The following ADGRL3 variants were observed in gnomAD, a reference collection of about 807,000 sequenced individuals.
The protein encoded by ADGRL3 is calcium-independent alpha-latrotoxin receptor 3.
Under a neutral mutation model 153.5 loss-of-function variants are expected in ADGRL3, and 62 were observed. That is an observed-to-expected ratio of 0.40 (90% CI 0.33 to 0.50). The LOEUF (loss-of-function observed/expected upper bound fraction) is 0.50. Among genes scored for constraint, ADGRL3 ranks in the 20% least tolerant of loss-of-function variants. The pLI is 0.47. For missense variants in ADGRL3, 1,641 were observed against 1,859.4 expected (o/e 0.88, Z 2.16); for synonymous variants, 710 against 672.5 (o/e 1.06, Z -0.86).
chr4:61,812,040 C>T (rs573874880), intron 8 of ADGRL3, among the ~76,000 whole-genome samples: 2 of 152,020 alleles, frequency 1.3e-5, no homozygotes, highest in South Asian at 2.1e-4. Context: ...AGTTTCAAAC[C>T]AATCTGTATG....
intron 5 of ADGRL3, among the ~76,000 whole-genome samples, chr4:61,610,823 C>T (rs2091241366): frequency 6.6e-6 from 1 of 151,510 alleles, no homozygotes; most frequent in Admixed American, 6.6e-5. Context: ...AACTAGAATC[C>T]ATTTTATAGA....
rs141131605 is a variant in ADGRL3 at position 61,545,775 on chromosome 4, A to G, written c.259+28257A>G. Among the ~76,000 whole-genome samples the G allele has an allele frequency of 2.5e-4, 38 of 152,240 alleles. No homozygotes were observed. In the East Asian group the frequency reaches 5.2e-3, roughly 21 times the overall value. ...GGTGATCTTCCTGCCTCGGCCTCCC[A>G]AAGTGCTGGGATTACAGGCGTAAGC... On this transcript the variant is annotated intron_variant, in intron 4 of 26. Coordinates refer to ENST00000683033, the MANE Select transcript of ADGRL3 (RefSeq NM_001387552.1).
chr4:61,774,379 A>G (rs1043583252), intron 8 of ADGRL3, among the ~76,000 whole-genome samples: 15 of 151,562 alleles, frequency 9.9e-5, no homozygotes, highest in African/African-American at 3.6e-4. Context: ...AAAGAAAGAA[A>G]AAGAAAAAAT....
intron 6 of ADGRL3, among the ~76,000 whole-genome samples, chr4:61,680,555 A>G (rs2150968200): frequency 6.6e-6 from 1 of 152,028 alleles, no homozygotes; most frequent in Non-Finnish European, 1.5e-5. Context: ...AAGGTAATAT[A>G]GACAGAGTCA....
chr4:61,756,886 T>C (rs1369592143), intron 8 of ADGRL3, among the ~76,000 whole-genome samples: 1 of 152,212 alleles, frequency 6.6e-6, no homozygotes, highest in Non-Finnish European at 1.5e-5. Flanking sequence ...ATCATATGGT[T>C]TTTGTCATTG....
intron 2 of ADGRL3, among the ~76,000 whole-genome samples, chr4:61,440,955 TA>T (rs1278163648): frequency 6.6e-6 from 1 of 152,184 alleles, no homozygotes; most frequent in Non-Finnish European, 1.5e-5. Flanking sequence ...CAACATTTTG[TA>T]ACTATGAAGT....
At chr4:61,965,618 G>A (rs1393569326) in intron 17 of ADGRL3, among the ~76,000 whole-genome samples, 1 of 151,956 alleles carries the variant, frequency 6.6e-6, no homozygotes, top group African/African-American at 2.4e-5. Flanking sequence ...AGGCTTGGTG[G>A]CAGGCACCTG....
chr4:61,341,617 T>G (rs1385728509), intron 1 of ADGRL3, among the ~76,000 whole-genome samples: 3 of 151,922 alleles, frequency 2.0e-5, no homozygotes, highest in Admixed American at 2.0e-4. Context: ...TTATGCAAAA[T>G]GTTCTCTTAG....
At chr4:61,810,515 C>A (rs1302975042) in intron 8 of ADGRL3, among the ~76,000 whole-genome samples, 5 of 152,162 alleles carry the variant, frequency 3.3e-5, no homozygotes, top group African/African-American at 1.2e-4. Flanking sequence ...AGAGAAGAGC[C>A]TTTTCCTGTA....
intron 1 of ADGRL3, among the ~76,000 whole-genome samples, chr4:61,261,728 G>C (rs2092536737): frequency 6.6e-6 from 1 of 152,192 alleles, no homozygotes. Flanking sequence ...ACATAATATA[G>C]TGTTACAATG....
intron 2 of ADGRL3, among the ~76,000 whole-genome samples, chr4:61,471,799 T>C (rs116287229): frequency 0.029 from 4,469 of 152,134 alleles, 82 homozygotes; most frequent in East Asian, 0.05. Flanking sequence ...TAAGGTATTA[T>C]TGAACAGAGT....
intron 4 of ADGRL3, among the ~76,000 whole-genome samples, chr4:61,532,546 G>GCT (rs1235386635): frequency 4.6e-5 from 4 of 87,482 alleles, no homozygotes; most frequent in Non-Finnish European, 7.3e-5. Context: ...GCGCGCGCGC[G>GCT]CGCGCGCGCG....
chr4:61,635,802 C>T (rs2093397430), intron 5 of ADGRL3, among the ~76,000 whole-genome samples: 1 of 152,002 alleles, frequency 6.6e-6, no homozygotes, highest in South Asian at 2.1e-4. Flanking sequence ...CTTTCCTTGG[C>T]TTGAAGATTG....
chr4:61,345,841 G>A (rs1157851236), intron 1 of ADGRL3, among the ~76,000 whole-genome samples: 1 of 152,052 alleles, frequency 6.6e-6, no homozygotes, highest in African/African-American at 2.4e-5. Flanking sequence ...TCCAAAACTG[G>A]TCTAGACAGT....
intron 8 of ADGRL3, among the ~76,000 whole-genome samples, chr4:61,756,684 C>T (rs138955457): frequency 0.087 from 13,189 of 152,180 alleles, 1,217 homozygotes; most frequent in African/African-American, 0.23. Context: ...AAAAGGGCAT[C>T]CCTGTCTTGT....
intron 24 of ADGRL3, among the ~76,000 whole-genome samples, chr4:62,043,272 G>A (rs576169292): frequency 6.6e-6 from 1 of 152,078 alleles, no homozygotes; most frequent in Admixed American, 6.6e-5. Flanking sequence ...TTTCACATTT[G>A]TATCTTATAA....
intron 17 of ADGRL3, among the ~76,000 whole-genome samples, chr4:61,955,769 G>A (rs922447069): frequency 4.6e-5 from 7 of 152,046 alleles, no homozygotes; most frequent in Non-Finnish European, 1.0e-4. Context: ...TCCTACTTAT[G>A]AGTGAGAACA....
chr4:61,205,541 T>C (rs1016882221), intron 1 of ADGRL3, among the ~76,000 whole-genome samples: 4 of 152,238 alleles, frequency 2.6e-5, no homozygotes, highest in African/African-American at 9.6e-5. Context: ...AGAATACAGC[T>C]GTATTGTAAT....
chr4:61,841,306 T>TTA (rs1190036516), intron 9 of ADGRL3, among the ~76,000 whole-genome samples: 2 of 125,936 alleles, frequency 1.6e-5, no homozygotes, highest in Admixed American at 1.6e-4. Context: ...AGCTGGAGGC[T>TTA]CACGTATTTG....
Sources: gnomAD v4.1 joint callset for allele counts (sites outside exome capture counted in the v4.1 genomes callset) on GRCh38, gnomAD v4.1.1 for gene constraint, MANE v1.5 for transcripts, NCBI Gene and HGNC (gene_info 2026-07-23, HGNC 2026-07-21) for gene names.